PKHD1: variants seen among roughly 807,000 people sequenced by gnomAD.
PKHD1 encodes PKHD1 ciliary IPT domain containing fibrocystin/polyductin.
In PKHD1, 291 loss-of-function variants were observed where a neutral mutation model predicts 412.0. That is an observed-to-expected ratio of 0.71 (90% CI 0.64 to 0.78). The LOEUF (loss-of-function observed/expected upper bound fraction) is 0.78. PKHD1 is among the 30% of genes least tolerant of loss of function. The pLI is 0.00. For synonymous variants in PKHD1, 1,777 were observed against 1,821.5 expected, an observed-to-expected ratio of 0.98 and a Z score of 0.62; for missense variants, 4,825 against 4,950.7, an observed-to-expected ratio of 0.97 and a Z score of 0.76.
At chr6:51,668,909 G>T (rs1581959608) in intron 60 of PKHD1, among the ~76,000 whole-genome samples, 1 of 152,304 alleles carries the variant, frequency 6.6e-6, no homozygotes, top group African/African-American at 2.4e-5. Context: ...CTTGATCATG[G>T]GGGATAAGCT....
chr6:52,010,683 T>C (rs1435167652), intron 34 of PKHD1, among the ~76,000 whole-genome samples: 2 of 152,194 alleles, frequency 1.3e-5, no homozygotes, highest in Non-Finnish European at 2.9e-5. Context: ...TAAATATCTT[T>C]CACTGAGGCC....
At chr6:51,880,984 G>A (rs1180053042) in intron 46 of PKHD1, among the ~76,000 whole-genome samples, 2 of 149,256 alleles carry the variant, frequency 1.3e-5, no homozygotes, top group Non-Finnish European at 3.0e-5. Flanking sequence ...AAAAAAGAAA[G>A]TGTTAATTCC....
intron 32 of PKHD1, 119 bp from the exon 33 acceptor site, chr6:52,023,063 C>T (rs1001043261): frequency 3.8e-5 from 45 of 1,196,846 alleles, no homozygotes; most frequent in Middle Eastern, 2.0e-4. Flanking sequence ...CCTCAGAATC[C>T]GCACAACTGG....
chr6:51,620,259 A>C (rs1272474880), intron 66 of PKHD1, among the ~76,000 whole-genome samples: 2 of 152,128 alleles, frequency 1.3e-5, no homozygotes, highest in Non-Finnish European at 2.9e-5. Flanking sequence ...TTGACATTTT[A>C]TTTGTCTCTT....
At chr6:52,055,522 T>C in intron 19 of PKHD1, 65 bp downstream of exon 19, 1 of 1,575,686 alleles carries the variant, frequency 6.3e-7, no homozygotes, top group Non-Finnish European at 8.7e-7. Context: ...GTTTTCAGTC[T>C]TGAATCCAGA....
intron 22 of PKHD1, among the ~76,000 whole-genome samples, chr6:52,049,621 C>A (rs556397554): frequency 2.0e-5 from 3 of 152,206 alleles, no homozygotes; most frequent in Non-Finnish European, 4.4e-5. Context: ...TCCTTAGTTA[C>A]TGCTTTGTAA....
chr6:51,891,127 T>C (rs558691353), intron 43 of PKHD1, among the ~76,000 whole-genome samples: 3 of 152,344 alleles, frequency 2.0e-5, no homozygotes, highest in Middle Eastern at 3.4e-3. Context: ...CCATACCCTT[T>C]TACTTGTAGC....
rs369855522 is a variant in PKHD1, at chr6:51,883,563, G to A, written c.7216-336C>T. ...AAAAACATTGCATCCAAGAACTCTAGTGCTTAACATTTTCTTCAATGTATT... is the reference window on the plus strand; with the variant it reads ...AAAAACATTGCATCCAAGAACTCTAATGCTTAACATTTTCTTCAATGTATT... On this transcript the variant is annotated intron_variant, in intron 45 of 66. Coordinates refer to ENST00000371117, the MANE Select transcript of PKHD1 (RefSeq NM_138694.4). Among the ~76,000 whole-genome samples, 3 of 152,272 alleles carry A rather than the reference G, an allele frequency of 2.0e-5. No homozygotes were observed. In the South Asian group the frequency reaches 6.2e-4, roughly 32 times the overall value.
At chr6:51,838,516 A>T (rs1013912774) in intron 50 of PKHD1, among the ~76,000 whole-genome samples, 1 of 152,242 alleles carries the variant, frequency 6.6e-6, no homozygotes, top group African/African-American at 2.4e-5. Flanking sequence ...TGCTCACTTC[A>T]TTAACGTTGA....
At chr6:51,765,109 A>G (rs1445657746) in intron 55 of PKHD1, among the ~76,000 whole-genome samples, 2 of 151,820 alleles carry the variant, frequency 1.3e-5, no homozygotes, top group African/African-American at 4.8e-5. Context: ...AGTCTTCCCA[A>G]CTCAGTGCGT....
intron 60 of PKHD1, among the ~76,000 whole-genome samples, chr6:51,701,020 T>C (rs528010990): frequency 1.9e-3 from 288 of 152,238 alleles, no homozygotes; most frequent in Non-Finnish European, 3.6e-3. Flanking sequence ...GGATTCACAA[T>C]AGAACCCACC....
chr6:51,968,006 A>C (rs752809980), intron 35 of PKHD1, among the ~76,000 whole-genome samples: 6 of 152,160 alleles, frequency 3.9e-5, no homozygotes, highest in Non-Finnish European at 5.9e-5. Flanking sequence ...TTCATACACC[A>C]GGAAACCTTT....
intron 46 of PKHD1, among the ~76,000 whole-genome samples, chr6:51,872,426 TG>T (rs1776125428): frequency 6.7e-6 from 1 of 149,112 alleles, no homozygotes. Context: ...TTTTTTTTTT[TG>T]AGACAGAATC....
chr6:51,892,240 C>G (rs1779231681), intron 43 of PKHD1, among the ~76,000 whole-genome samples: 1 of 152,216 alleles, frequency 6.6e-6, no homozygotes, highest in Non-Finnish European at 1.5e-5. Context: ...CCAAAAGTGA[C>G]TTTTGGATAT....
At position 51,833,501 on chromosome 6, in the gene PKHD1, T is replaced by A. The variant is rs140814007; in HGVS notation, c.8174-2512A>T. On this transcript the variant is annotated intron_variant, in intron 51 of 66. Transcript: ENST00000371117. ...TGACTATTATTGACAATCAAATTTG[T>A]GGAGAGAAAAAGAAGCCTACAAGAG... Among the ~76,000 whole-genome samples, 543 of 151,710 alleles carry A rather than the reference T, an allele frequency of 3.6e-3. 2 individuals carry two copies. Among genetic ancestry groups the A allele is most frequent in the African/African-American group, 0.012 (518 of 41,444 alleles).
At chr6:51,720,654 TA>T (rs1378127283) in intron 60 of PKHD1, among the ~76,000 whole-genome samples, 3 of 152,118 alleles carry the variant, frequency 2.0e-5, no homozygotes, top group East Asian at 3.9e-4. Flanking sequence ...ATAGCACTCC[TA>T]TTTTTTTTTC....
intron 48 of PKHD1, among the ~76,000 whole-genome samples, chr6:51,863,053 C>T (rs1373532914): frequency 6.6e-6 from 1 of 152,090 alleles, no homozygotes; most frequent in Non-Finnish European, 1.5e-5. Context: ...AGAGTACCTA[C>T]TACATGTCAA....
chr6:51,931,982 T>G (rs1221376559), intron 37 of PKHD1, among the ~76,000 whole-genome samples: 1 of 146,348 alleles, frequency 6.8e-6, no homozygotes, highest in Non-Finnish European at 1.5e-5. Flanking sequence ...AGAAGGAGAA[T>G]AAAGGAGAGG....
intron 9 of PKHD1, 34 bp from the exon 10 acceptor site, chr6:52,070,479 ATCTGCACGAG>A (rs1810434516): frequency 6.4e-7 from 1 of 1,556,256 alleles, no homozygotes; most frequent in African/African-American, 1.4e-5. Context: ...TAACTCAGGA[ATCTGCACGAG>A]TCTTCTGGGC....
Sources: allele counts gnomAD v4.1 joint callset (sites outside exome capture counted in the v4.1 genomes callset), GRCh38; gene constraint gnomAD v4.1.1; transcripts MANE v1.5; gene names NCBI Gene and HGNC (gene_info 2026-07-23, HGNC 2026-07-21).